HMGXB3: variants seen among roughly 807,000 people sequenced by gnomAD.
HMGXB3 encodes HMG-box containing 3.
In HMGXB3, 45 loss-of-function variants were observed where a neutral mutation model predicts 121.5. That is an observed-to-expected ratio of 0.37 (90% confidence interval 0.29 to 0.47). HMGXB3 has a LOEUF of 0.47. Ranked by LOEUF, HMGXB3 falls within the 20% of genes least tolerant of loss-of-function variation. The probability of loss-of-function intolerance (pLI) is 0.99; values close to 1 mark genes in which losing one functional copy is unlikely to be tolerated. For synonymous variants in HMGXB3, 590 were observed against 624.1 expected (o/e 0.95, Z 0.81); for missense variants, 1,376 against 1,602.2 (o/e 0.86, Z 2.41).
At chr5:150,007,838 T>C (rs1393853885) in intron 3 of HMGXB3, among the ~76,000 whole-genome samples, 1 of 152,124 alleles carries the variant, frequency 6.6e-6, no homozygotes, top group African/African-American at 2.4e-5. Context: ...GAGGATCACT[T>C]GAGCCCAGGA....
chr5:150,015,823 G>A (rs1454873244), intron 5 of HMGXB3, among the ~76,000 whole-genome samples: 1 of 152,100 alleles, frequency 6.6e-6, no homozygotes, highest in Non-Finnish European at 1.5e-5. Flanking sequence ...TTCCACTGTG[G>A]CCTGACCTTT....
At chr5:150,026,233 A>G (rs756593170) in intron 7 of HMGXB3, among the ~76,000 whole-genome samples, 1 of 152,222 alleles carries the variant, frequency 6.6e-6, no homozygotes, top group Non-Finnish European at 1.5e-5. Context: ...TGTTTGAGAC[A>G]CGTAAATCAC....
Position 150,019,142 on chromosome 5 carries a change from C to T in HMGXB3, c.1041+445C>T, listed in dbSNP as rs1046031568. ...TCTTTCTGTTTTTTCGTGGATATCT[C>T]CAATACTATAATATTTTGCTTTTTT... On this transcript the variant is annotated intron_variant, in intron 6 of 19. Transcript: ENST00000502717. 2.0e-5 allele frequency among the ~76,000 whole-genome samples: 3 copies of T among 151,994 alleles called. No individual in the cohort carries two copies. The South Asian group carries it at 6.2e-4, about 32-fold the overall frequency.
At chr5:150,005,095 TG>T (rs1755665051) in intron 2 of HMGXB3, 106 bp downstream of exon 2, 1 of 1,397,122 alleles carries the variant, frequency 7.2e-7, no homozygotes, top group Non-Finnish European at 9.5e-7. Flanking sequence ...GTGTTATGAT[TG>T]AAGTCCTGTG....
intron 18 of HMGXB3, 129 bp downstream of exon 18, chr5:150,048,814 C>T (rs1392912324): frequency 1.7e-5 from 12 of 708,818 alleles, no homozygotes; most frequent in South Asian, 8.3e-5. Flanking sequence ...TAGCTGCCCA[C>T]GGGTCAGGTG....
At position 150,045,584 on chromosome 5, in the gene HMGXB3, T is replaced by G; in HGVS notation, c.2849T>G (p.Phe950Cys). 6.4e-7 allele frequency: 1 copy of G among 1,552,030 alleles called. No individual in the cohort carries two copies. Among genetic ancestry groups the G allele is most frequent in the Non-Finnish European group, 8.7e-7 (1 of 1,147,076 alleles). ...AFPASIPITK[F>C]DASVIAPFFP... is the part of the protein sequence containing the mutation. ...CCTGCCAGCATCCCTATCACCAAAT[T>G]TGATGCGTCTGTTATTGCCCCCTTC... is the stretch of plus-strand genomic sequence containing the variant. Residue 950 changes from phenylalanine to cysteine, a missense_variant, in exon 16 of 20, where the codon TTT (phenylalanine) becomes TGT (cysteine). Transcript: ENST00000502717.
rs565710423 is a variant in HMGXB3, at chr5:150,025,045, A to G, written c.1460+365A>G. 4.6e-5 allele frequency among the ~76,000 whole-genome samples: 7 copies of G among 152,342 alleles called. No homozygotes were observed. In the South Asian group the frequency reaches 1.4e-3, roughly 32 times the overall value. On this transcript the variant is annotated intron_variant, in intron 7 of 19. Coordinates refer to ENST00000502717, the MANE Select transcript of HMGXB3 (RefSeq NM_014983.3). ...TAGAAAGAGTTCTGGCCTTATAGTC[A>G]GAGAACTCAGTACTGGTTCTGACTG...
At chr5:150,034,456 G>C (rs990609535) in intron 11 of HMGXB3, among the ~76,000 whole-genome samples, 3 of 151,996 alleles carry the variant, frequency 2.0e-5, no homozygotes, top group African/African-American at 4.8e-5. Context: ...CTATTTGCGC[G>C]GTTTGCAGTG....
At chr5:150,037,069 C>T (rs998134372) in intron 12 of HMGXB3, 132 bp downstream of exon 12, 4 of 826,856 alleles carry the variant, frequency 4.8e-6, no homozygotes, top group Non-Finnish European at 7.5e-6. Flanking sequence ...CTTTAACTTT[C>T]TGATTGCTGA....
At chr5:150,011,342 G>A (rs1561852512) in intron 4 of HMGXB3, among the ~76,000 whole-genome samples, 1 of 152,158 alleles carries the variant, frequency 6.6e-6, no homozygotes, top group African/African-American at 2.4e-5. Flanking sequence ...AAGTGGAAGT[G>A]GAGAGAAACT....
At chr5:150,049,411 C>A (rs1453923071) in intron 18 of HMGXB3, among the ~76,000 whole-genome samples, 1 of 36,096 alleles carries the variant, frequency 2.8e-5, no homozygotes, top group East Asian at 1.2e-3. Flanking sequence ...GGAACGGAAA[C>A]CCCCCCCCTT....
chr5:150,045,730 C>A, intron 16 of HMGXB3, 45 bp downstream of exon 16: 3 of 1,453,396 alleles, frequency 2.1e-6, no homozygotes, highest in South Asian at 1.2e-5. Context: ...AGGGCTCAGT[C>A]AAGAGTCTGG....
In HMGXB3 at chr5:150,036,747, A is replaced by G; in HGVS notation, c.2095A>G (p.Ile699Val). The change falls in exon 12 of 20, where the codon ATT (isoleucine) becomes GTT (valine). Residue 699 changes from isoleucine (I) to valine (V), a missense_variant. Physicochemically the swap from Ile to Val is conservative, Grantham distance 29 (BLOSUM62 3). This residue lies in a region of HMGXB3 where 1,116 missense variants were observed against 1,369.0 expected (regional missense o/e 0.82). Coordinates refer to ENST00000502717, the MANE Select transcript of HMGXB3 (RefSeq NM_014983.3). ...TLQLLRKVLQ[I>V]PENESELAEV... is the part of the protein sequence containing the mutation. ...GCAGCTGCTGCGCAAAGTCCTGCAG[A>G]TTCCTGAGAATGAGTCAGAGCTGGC... is the stretch of plus-strand genomic sequence containing the variant. The G allele has an allele frequency of 6.4e-7, 1 of 1,551,700 alleles. No homozygotes were observed. Among genetic ancestry groups the G allele is most frequent in the Non-Finnish European group, 8.7e-7 (1 of 1,147,022 alleles).
rs183868351 is a variant in HMGXB3 at position 150,017,009 on chromosome 5, G to A, written c.910-1557G>A. Reference sequence around the variant, plus strand: ...GCTGCAATATTTTAAAATAGGAACAGCCTGCAGCTTTGACTCATGGAGAAA... The same window carrying A: ...GCTGCAATATTTTAAAATAGGAACAACCTGCAGCTTTGACTCATGGAGAAA... On this transcript the variant is annotated intron_variant, in intron 5 of 19. Transcript: ENST00000502717. 2.5e-3 allele frequency among the ~76,000 whole-genome samples: 385 copies of A among 152,314 alleles called. 1 individual carries two copies. The highest frequency in any genetic ancestry group is 4.1e-3 in the Non-Finnish European group (280 of 68,034).
At chr5:150,009,331 T>G (rs1396171717) in intron 3 of HMGXB3, among the ~76,000 whole-genome samples, 1 of 152,218 alleles carries the variant, frequency 6.6e-6, no homozygotes, top group Non-Finnish European at 1.5e-5. Context: ...AATAATAATC[T>G]TATCTAACAT....
chr5:150,028,561 T>TTA (rs1285445678), intron 9 of HMGXB3, among the ~76,000 whole-genome samples: 419 of 15,286 alleles, frequency 0.027, 7 homozygotes, highest in African/African-American at 0.086. Context: ...ATATATATAT[T>TTA]TTTTTTTTTT....
chr5:150,016,847 C>G (rs1266844449), intron 5 of HMGXB3, among the ~76,000 whole-genome samples: 1 of 152,038 alleles, frequency 6.6e-6, no homozygotes, highest in Non-Finnish European at 1.5e-5. Flanking sequence ...GATCTGCTTT[C>G]TTTTATTGGC....
chr5:150,014,507 A>T (rs1295201053), intron 5 of HMGXB3, among the ~76,000 whole-genome samples: 3 of 152,220 alleles, frequency 2.0e-5, no homozygotes, highest in Non-Finnish European at 2.9e-5. Flanking sequence ...CTGTGTAGTT[A>T]TTCCTTTTGA....
At position 150,050,369 on chromosome 5, in the gene HMGXB3, G is replaced by C; in HGVS notation, c.3319G>C (p.Ala1107Pro). ...TGTGGTAGATATGGCCACGTCAGTGGCCCTGTGTGCTGACCTCTGCTACCC... is the reference window on the plus strand; with the variant it reads ...TGTGGTAGATATGGCCACGTCAGTGCCCCTGTGTGCTGACCTCTGCTACCC... ...VYVVDMATSVALCADLCYPEL... is the reference protein window; with the variant it reads ...VYVVDMATSVPLCADLCYPEL... The change falls in exon 19 of 20, where the codon GCC (alanine) becomes CCC (proline). Residue 1107 changes from alanine to proline, a missense_variant. Ala to Pro is a conservative substitution (Grantham distance 27). Transcript: ENST00000502717. 6.4e-7 allele frequency: 1 copy of C among 1,551,774 alleles called. No homozygotes were observed. The highest frequency in any genetic ancestry group is 8.7e-7 in the Non-Finnish European group (1 of 1,146,998).
Sources: gnomAD v4.1 joint callset for allele counts (sites outside exome capture counted in the v4.1 genomes callset) on GRCh38, gnomAD v4.1.1 for gene constraint, gnomAD v4.1.1 regional missense constraint, MANE v1.5 for transcripts, NCBI Gene and HGNC (gene_info 2026-07-23, HGNC 2026-07-21) for gene names.